PCDHGB5: variants seen among roughly 807,000 people sequenced by gnomAD.
PCDHGB5 encodes protocadherin gamma-B5.
Under a neutral mutation model 62.9 loss-of-function variants are expected in PCDHGB5, and 48 were observed. The observed-to-expected ratio is 0.76, with a 90% CI of 0.61 to 0.97. The LOEUF is 0.97. PCDHGB5 is among the 50% of genes least tolerant of loss of function. PCDHGB5 has a pLI of 0.00. For synonymous variants in PCDHGB5, 474 were observed against 511.2 expected, an observed-to-expected ratio of 0.93 and a Z score of 0.98; for missense variants, 1,118 against 1,198.6, an observed-to-expected ratio of 0.93 and a Z score of 0.99.
intron 1 of PCDHGB5, chr5:141,404,341 AAAC>A (rs769977252): frequency 6.2e-7 from 1 of 1,613,966 alleles, no homozygotes; most frequent in Non-Finnish European, 8.5e-7. Flanking sequence ...ACCTCCCGGA[AAAC>A]AACGCCAGAG....
intron 1 of PCDHGB5, among the ~76,000 whole-genome samples, chr5:141,454,204 T>G (rs1161344350): frequency 3.3e-5 from 5 of 152,170 alleles, no homozygotes; most frequent in Non-Finnish European, 1.5e-5. Context: ...GTGAATTTAT[T>G]GACATGAATG....
At chr5:141,453,145 G>A (rs1329081754) in intron 1 of PCDHGB5, among the ~76,000 whole-genome samples, 3 of 151,752 alleles carry the variant, frequency 2.0e-5, no homozygotes, top group Admixed American at 6.6e-5. Context: ...ATAGGGTCTC[G>A]CTATGTCACC....
chr5:141,478,100 C>T, intron 1 of PCDHGB5: 1 of 1,614,124 alleles, frequency 6.2e-7, no homozygotes, highest in Non-Finnish European at 8.5e-7. Context: ...CACTGCTACC[C>T]TCACTGTGTC....
At chr5:141,483,293 G>T (rs532959899) in intron 1 of PCDHGB5, among the ~76,000 whole-genome samples, 1 of 152,264 alleles carries the variant, frequency 6.6e-6, no homozygotes, top group Non-Finnish European at 1.5e-5. Flanking sequence ...TCAGTCATAA[G>T]TGAAGGGACT....
At chr5:141,496,630 T>C (rs2099770022) in intron 2 of PCDHGB5, among the ~76,000 whole-genome samples, 1 of 152,202 alleles carries the variant, frequency 6.6e-6, no homozygotes, top group Non-Finnish European at 1.5e-5. Context: ...TCAAAAGGCT[T>C]GGGCTGCCCT....
chr5:141,414,726 C>G (rs761022941), intron 1 of PCDHGB5: 5 of 1,614,196 alleles, frequency 3.1e-6, no homozygotes, highest in Non-Finnish European at 4.2e-6. Context: ...ACACTGGCGT[C>G]CTGTATGCAC....
intron 1 of PCDHGB5, among the ~76,000 whole-genome samples, chr5:141,425,386 G>C (rs2096871887): frequency 6.6e-6 from 1 of 152,224 alleles, no homozygotes; most frequent in South Asian, 2.1e-4. Context: ...TTCGGAGGTA[G>C]TGATAAAGTT....
At chr5:141,425,640 C>G (rs2096886863) in intron 1 of PCDHGB5, among the ~76,000 whole-genome samples, 1 of 152,206 alleles carries the variant, frequency 6.6e-6, no homozygotes, top group Non-Finnish European at 1.5e-5. Flanking sequence ...TCTGATAAAA[C>G]TAGGAGGAAA....
chr5:141,412,898 C>T (rs1300324880), intron 1 of PCDHGB5: 2 of 361,136 alleles, frequency 5.5e-6, no homozygotes, highest in Non-Finnish European at 9.8e-6. Context: ...AGTTTACTTT[C>T]CATTGCATGT....
At chr5:141,424,746 T>TTA (rs1392854638) in intron 1 of PCDHGB5, 1 of 152,214 alleles carries the variant, frequency 6.6e-6, no homozygotes, top group Non-Finnish European at 1.5e-5. Flanking sequence ...CTTTCTTTCT[T>TTA]TATAAGGTCA....
intron 1 of PCDHGB5, chr5:141,414,451 G>C (rs1390702349): frequency 1.9e-6 from 3 of 1,613,874 alleles, no homozygotes; most frequent in Non-Finnish European, 2.5e-6. Context: ...CAATATCACA[G>C]TGACAGCCAC....
rs1248983040 is a variant in PCDHGB5, at chr5:141,476,937, G to T, written c.2398-17870G>T. 3.1e-6 allele frequency: 5 copies of T among 1,614,186 alleles called. No homozygotes were observed. Among genetic ancestry groups the T allele is most frequent in the Non-Finnish European group, 4.2e-6 (5 of 1,180,050 alleles). The stretch of plus-strand genomic sequence containing the variant: ...GTCCTTGCAACGGATCTGGATGAAG[G>T]CCCCAACGGTGAAATTATTTACTCC... On this transcript the variant is annotated intron_variant, in intron 1 of 3. Coordinates refer to ENST00000617380, the MANE Select transcript of PCDHGB5 (RefSeq NM_018925.3). This position sits in a 1 kb window ranked among gnomAD's most constrained non-coding sequence, Gnocchi z 7.6.
Position 141,432,036 on chromosome 5 carries a change from AC to A in PCDHGB5, c.2397+31514del, listed in dbSNP as rs1419691535. The A allele has an allele frequency of 6.2e-7, 1 of 1,614,218 alleles. No individual in the cohort carries two copies. The highest frequency in any genetic ancestry group is 1.3e-5 in the African/African-American group (1 of 75,048). On this transcript the variant is annotated intron_variant, in intron 1 of 3. Coordinates refer to ENST00000617380, the MANE Select transcript of PCDHGB5 (RefSeq NM_018925.3). This position sits in a 1 kb window ranked among gnomAD's most constrained non-coding sequence, Gnocchi z 6.0. ...TACAACATCACAGTGACCGCCACTG[AC>A]CGGGGAACCCCGCCCCTATCCACGG...
At chr5:141,426,116 G>A (rs1324245739) in intron 1 of PCDHGB5, among the ~76,000 whole-genome samples, 3 of 152,232 alleles carry the variant, frequency 2.0e-5, no homozygotes, top group African/African-American at 7.2e-5. Context: ...AAGCAAGTCG[G>A]AGAGTGGCCA....
chr5:141,423,330 C>T (rs932335651), intron 1 of PCDHGB5: 2 of 1,614,174 alleles, frequency 1.2e-6, no homozygotes, highest in Non-Finnish European at 1.7e-6. Flanking sequence ...TGGCCGCAGT[C>T]TCCTGCATCT....
chr5:141,402,710 C>T (rs2094297033), intron 1 of PCDHGB5, among the ~76,000 whole-genome samples: 1 of 152,092 alleles, frequency 6.6e-6, no homozygotes, highest in African/African-American at 2.4e-5. Context: ...GGTGTAGTAA[C>T]GGCTTAGGAC....
Position 141,491,954 on chromosome 5 carries a change from C to A in PCDHGB5, c.2398-2853C>A. ...TGGGACCGACCCCCACCCCTACACT[C>A]AAAAAAGGCCGGGGCCTCCTTCGAG... On this transcript the variant is annotated intron_variant, in intron 1 of 3. Transcript: ENST00000617380. This position sits in a 1 kb window ranked among gnomAD's most constrained non-coding sequence, Gnocchi z 6.9. The A allele has an allele frequency of 9.7e-7, 1 of 1,032,914 alleles. No individual in the cohort carries two copies. Among genetic ancestry groups the A allele is most frequent in the Non-Finnish European group, 1.3e-6 (1 of 747,256 alleles). The allele number at this position is 1,032,914 out of a possible 1,614,324, so 64.0% of individuals were successfully genotyped here.
At chr5:141,415,562 CT>C in intron 1 of PCDHGB5, 3 of 1,613,960 alleles carry the variant, frequency 1.9e-6, no homozygotes, top group Non-Finnish European at 1.7e-6. Context: ...GATCCTTTGT[CT>C]TTGTTAGATG....
intron 1 of PCDHGB5, among the ~76,000 whole-genome samples, chr5:141,469,187 G>T (rs147209381): frequency 5.9e-5 from 9 of 151,588 alleles, no homozygotes; most frequent in African/African-American, 1.9e-4. Context: ...GAGGCAAGAG[G>T]ATTGCTTGAG....
Sources: gnomAD v4.1 joint callset for allele counts (sites outside exome capture counted in the v4.1 genomes callset) on GRCh38, gnomAD v4.1.1 for gene constraint, Gnocchi (gnomAD v3.1) non-coding constraint, MANE v1.5 for transcripts, NCBI Gene and HGNC (gene_info 2026-07-23, HGNC 2026-07-21) for gene names.